Variants in LARS1 observed in about 807,000 individuals in gnomAD.
The protein encoded by LARS1 is leucyl-tRNA synthetase 1, also known as leucine--tRNA ligase, cytoplasmic.
A neutral mutation model predicts 162.8 loss-of-function variants in LARS1; 100 were observed. The ratio of observed to expected loss-of-function variants is 0.61; its 90% CI spans 0.52 to 0.73. The LOEUF is 0.73. LARS1 is among the 30% of genes least tolerant of loss of function. The probability of loss-of-function intolerance (pLI) is 0.00; values close to 1 mark genes in which losing one functional copy is unlikely to be tolerated. For missense variants in LARS1, 1,258 were observed against 1,408.9 expected, an observed-to-expected ratio of 0.89 and a Z score of 1.71; for synonymous variants, 457 against 462.8, an observed-to-expected ratio of 0.99 and a Z score of 0.16.
chr5:146,116,528 C>T (rs545696938), intron 31 of LARS1, among the ~76,000 whole-genome samples: 134 of 152,302 alleles, frequency 8.8e-4, no homozygotes, highest in African/African-American at 3.0e-3. Context: ...TCCATAGATT[C>T]GTAGAGCTTT....
At chr5:146,126,871 TTAAAA>T (rs1365262526) in intron 27 of LARS1, among the ~76,000 whole-genome samples, 1 of 152,124 alleles carries the variant, frequency 6.6e-6, no homozygotes, top group African/African-American at 2.4e-5. Context: ...ATTAGTCATA[TTAAAA>T]TAAAAAATTA....
rs2962509 is a variant in LARS1, at chr5:146,164,016, G to A, written c.594+294C>T. The stretch of plus-strand genomic sequence containing the variant: ...ACCAATTAAGTTTGCCACCTTATAT[G>A]GGTACAGTGTGTGGCAACCCAAAAC... On this transcript the variant is annotated intron_variant, in intron 6 of 31. Coordinates refer to ENST00000394434, the MANE Select transcript of LARS1 (RefSeq NM_020117.11). Among the ~76,000 whole-genome samples, 99,195 of 152,022 alleles carry A rather than the reference G, an allele frequency of 0.65. 32,674 individuals carry two copies. The highest frequency in any genetic ancestry group is 0.79 in the Middle Eastern group (233 of 294).
Position 146,133,309 on chromosome 5 carries a change from C to T in LARS1, c.2213-228G>A, listed in dbSNP as rs569758097. Among the ~76,000 whole-genome samples, 50 of 152,208 alleles carry T rather than the reference C, an allele frequency of 3.3e-4. No individual in the cohort carries two copies. The South Asian group carries it at 0.01, about 32-fold the overall frequency. ...ATATTGATTTGCATCCACTAAGCACCAATATGTGTTTCTTCTCAGGCATGT... is the reference window on the plus strand; with the variant it reads ...ATATTGATTTGCATCCACTAAGCACTAATATGTGTTTCTTCTCAGGCATGT... On this transcript the variant is annotated intron_variant, in intron 22 of 31. Transcript: ENST00000394434.
At chr5:146,141,633 G>T (rs187825909) in intron 20 of LARS1, among the ~76,000 whole-genome samples, 1 of 151,360 alleles carries the variant, frequency 6.6e-6, no homozygotes, top group Non-Finnish European at 1.5e-5. Flanking sequence ...GTGAGACCTC[G>T]TCTCTACAAA....
At chr5:146,168,632 C>A (rs1362087727) in intron 4 of LARS1, among the ~76,000 whole-genome samples, 1 of 151,958 alleles carries the variant, frequency 6.6e-6, no homozygotes, top group South Asian at 2.1e-4. Context: ...GTGCAGTGAG[C>A]CGAGATCACA....
At chr5:146,164,259 A>G (rs979326360) in intron 6 of LARS1, 51 bp downstream of exon 6, 10 of 1,549,672 alleles carry the variant, frequency 6.5e-6, no homozygotes, top group Non-Finnish European at 8.8e-6. Flanking sequence ...AAGCACAATA[A>G]AAAAGCACAT....
At chr5:146,144,852 G>T in intron 15 of LARS1, 143 bp from the exon 16 acceptor site, 1 of 671,226 alleles carries the variant, frequency 1.5e-6, no homozygotes, top group Middle Eastern at 3.8e-4. Flanking sequence ...GCCTTCCCAG[G>T]GTCAGTCATC....
intron 6 of LARS1, among the ~76,000 whole-genome samples, chr5:146,162,959 G>A (rs1019183730): frequency 4.6e-5 from 7 of 152,118 alleles, no homozygotes; most frequent in East Asian, 1.9e-4. Context: ...ATAGGAGCCC[G>A]CCACCATACC....
chr5:146,163,617 C>T lies in LARS1; in HGVS notation c.594+693G>A, dbSNP rs180978268. Among the ~76,000 whole-genome samples the T allele has an allele frequency of 1.1e-3, 168 of 151,020 alleles. 3 individuals are homozygous for T. In the East Asian group the frequency reaches 0.024, roughly 21 times the overall value. ...AGAAGAATAGCTTGAACCCGGGAGG[C>T]GGAGGTTGCCGTGAGCCGAGATCAC... On this transcript the variant is annotated intron_variant, in intron 6 of 31. Transcript: ENST00000394434.
intron 22 of LARS1, among the ~76,000 whole-genome samples, chr5:146,135,030 G>C (rs557623061): frequency 2.6e-5 from 4 of 151,872 alleles, no homozygotes; most frequent in Non-Finnish European, 4.4e-5. Flanking sequence ...TTTTGAGACA[G>C]AGTTTCACTC....
intron 8 of LARS1, among the ~76,000 whole-genome samples, chr5:146,158,892 C>G (rs1286555323): frequency 1.3e-5 from 2 of 152,046 alleles, no homozygotes; most frequent in Non-Finnish European, 2.9e-5. Flanking sequence ...GTCAGGAGAT[C>G]GAGACCATCC....
At chr5:146,166,967 G>A (rs139674782) in intron 5 of LARS1, among the ~76,000 whole-genome samples, 7 of 152,156 alleles carry the variant, frequency 4.6e-5, no homozygotes, top group South Asian at 2.1e-4. Context: ...ACTCCCTAAC[G>A]CTTGAGAACG....
chr5:146,152,708 T>C (rs539954440), intron 13 of LARS1, among the ~76,000 whole-genome samples: 6 of 152,394 alleles, frequency 3.9e-5, no homozygotes, highest in African/African-American at 1.2e-4. Context: ...TTTTGGTTTA[T>C]ATTAATTCCT....
rs150444873 is a variant in LARS1 at position 146,153,352 on chromosome 5, A to G, written c.1231-125T>C. 6 of 708,522 alleles carry G rather than the reference A, an allele frequency of 8.5e-6. No individual in the cohort carries two copies. The East Asian group carries it at 1.3e-4, about 16-fold the overall frequency. The allele number at this position is 708,522 out of a possible 1,614,324, so 43.9% of individuals were successfully genotyped here. ...TTTCTATTTGTTCTCCTCTCCATAG[A>G]GAGCAATTTTCTAACTTTGCCAAAT... On this transcript the variant is annotated intron_variant, in intron 12 of 31. Coordinates refer to ENST00000394434, the MANE Select transcript of LARS1 (RefSeq NM_020117.11).
intron 21 of LARS1, among the ~76,000 whole-genome samples, chr5:146,137,574 T>C (rs767251696): frequency 6.6e-6 from 1 of 152,176 alleles, no homozygotes; most frequent in Non-Finnish European, 1.5e-5. Flanking sequence ...GGAAGGAGCA[T>C]TACGTGACAT....
chr5:146,154,122 T>C (rs1196158583), intron 10 of LARS1, 142 bp from the exon 11 acceptor site: 21 of 623,404 alleles, frequency 3.4e-5, no homozygotes, highest in Non-Finnish European at 5.7e-5. Context: ...TTGTACAATA[T>C]GGTGACTATA....
chr5:146,127,440 CAA>C (rs994901815), intron 27 of LARS1, among the ~76,000 whole-genome samples: 11 of 151,904 alleles, frequency 7.2e-5, no homozygotes, highest in Admixed American at 3.3e-4. Context: ...TGAAAACATA[CAA>C]AAATCTAAAA....
At chr5:146,161,363 C>G (rs1318121308) in intron 6 of LARS1, among the ~76,000 whole-genome samples, 2 of 152,140 alleles carry the variant, frequency 1.3e-5, no homozygotes, top group African/African-American at 4.8e-5. Flanking sequence ...TCCATTGACT[C>G]TTCCTTTCAC....
rs756133354 is a variant in LARS1, at chr5:146,151,956, G to A, written c.1331C>T (p.Thr444Ile). ...CTGAATTTTCAACTCATCACAAATG[G>A]TTACAGCAGAAAGATTTCCAAAACC... Reference protein sequence around the residue: ...IPGFGNLSAVTICDELKIQSQ... With the variant: ...IPGFGNLSAVIICDELKIQSQ... Residue 444 changes from threonine (T) to isoleucine (I), a missense_variant, in exon 14 of 32, where the codon ACC (threonine) becomes ATC (isoleucine). Coordinates refer to ENST00000394434, the MANE Select transcript of LARS1 (RefSeq NM_020117.11). 18 of 1,613,924 alleles carry A rather than the reference G, an allele frequency of 1.1e-5. No homozygotes were observed. In the Middle Eastern group the frequency reaches 8.2e-4, roughly 74 times the overall value.
Sources: gnomAD v4.1 joint callset for allele counts (sites outside exome capture counted in the v4.1 genomes callset) on GRCh38, gnomAD v4.1.1 for gene constraint, MANE v1.5 for transcripts, NCBI Gene and HGNC (gene_info 2026-07-23, HGNC 2026-07-21) for gene names.